RARB: variants seen among roughly 807,000 people sequenced by gnomAD.
The protein encoded by RARB is retinoic acid receptor beta.
A neutral mutation model predicts 51.9 loss-of-function variants in RARB; 17 were observed. That is an observed-to-expected ratio of 0.33 (90% CI 0.22 to 0.49). The LOEUF is 0.49. Ranked by LOEUF, RARB falls within the 20% of genes least tolerant of loss-of-function variation. RARB has a pLI of 0.99. For missense variants in RARB, 369 were observed against 550.8 expected, an observed-to-expected ratio of 0.67 and a Z score of 3.30; for synonymous variants, 215 against 195.4, an observed-to-expected ratio of 1.10 and a Z score of -0.84.
intron 2 of RARB, among the ~76,000 whole-genome samples, chr3:25,009,755 A>G (rs1331035584): frequency 6.6e-6 from 1 of 152,040 alleles, no homozygotes; most frequent in Admixed American, 6.6e-5. Flanking sequence ...TAAGCCTTCC[A>G]GAAGACTTAG....
intron 2 of RARB, among the ~76,000 whole-genome samples, chr3:25,490,144 C>T (rs1696658616): frequency 6.6e-6 from 1 of 152,190 alleles, no homozygotes; most frequent in Non-Finnish European, 1.5e-5. Flanking sequence ...CTCCCATTCT[C>T]ATAGACTCTA....
intron 2 of RARB, among the ~76,000 whole-genome samples, chr3:25,004,156 T>C (rs1005807839): frequency 5.9e-5 from 9 of 152,124 alleles, no homozygotes; most frequent in African/African-American, 1.9e-4. Flanking sequence ...AGGATGTTTT[T>C]AAGGGCTAAG....
chr3:25,289,027 G>T (rs980874206), intron 5 of RARB, among the ~76,000 whole-genome samples: 2 of 152,166 alleles, frequency 1.3e-5, no homozygotes, highest in African/African-American at 4.8e-5. Context: ...ATACTGTTCC[G>T]CCACTGAGGC....
chr3:25,533,876 A>T (rs537662632), intron 3 of RARB, among the ~76,000 whole-genome samples: 2 of 152,228 alleles, frequency 1.3e-5, no homozygotes, highest in African/African-American at 4.8e-5. Flanking sequence ...TAACACTTCA[A>T]TGCTTTGAAT....
At position 25,217,896 on chromosome 3, in the gene RARB, G is replaced by GGAAGC. The variant is rs548273240; in HGVS notation, c.178+43323_178+43327dup. Among the ~76,000 whole-genome samples the GGAAGC allele has an allele frequency of 1.6e-3, 242 of 152,134 alleles. 2 individuals are homozygous for GGAAGC. Among genetic ancestry groups the GGAAGC allele is most frequent in the Non-Finnish European group, 2.5e-3 (167 of 67,998 alleles). ...AGCCATAGGCAAACTTATGAGAAAT[G>GGAAGC]GAAGCGCTTTAAGAATGGGGTCATC... On this transcript the variant is annotated intron_variant, in intron 5 of 11. Transcript: ENST00000383772.
intron 5 of RARB, among the ~76,000 whole-genome samples, chr3:25,209,359 G>A (rs997358600): frequency 6.6e-6 from 1 of 152,190 alleles, no homozygotes; most frequent in Non-Finnish European, 1.5e-5. Flanking sequence ...CCATAGGTGG[G>A]TGTTGAAGAC....
intron 2 of RARB, among the ~76,000 whole-genome samples, chr3:24,969,675 T>C (rs1192963741): frequency 2.6e-5 from 4 of 152,112 alleles, no homozygotes; most frequent in African/African-American, 9.7e-5. Flanking sequence ...AGCTAGACAG[T>C]GTGTTGAATT....
chr3:25,364,756 C>T (rs1294649038), intron 5 of RARB, among the ~76,000 whole-genome samples: 1 of 152,160 alleles, frequency 6.6e-6, no homozygotes, highest in Non-Finnish European at 1.5e-5. Flanking sequence ...CTTTTATTTA[C>T]CAGCAATTCA....
At chr3:24,931,431 C>T (rs1695437990) in intron 2 of RARB, among the ~76,000 whole-genome samples, 1 of 151,940 alleles carries the variant, frequency 6.6e-6, no homozygotes, top group Non-Finnish European at 1.5e-5. Flanking sequence ...GCATAAAATA[C>T]ATCAGTGGTC....
intron 5 of RARB, among the ~76,000 whole-genome samples, chr3:25,415,324 T>C (rs186843586): frequency 3.3e-4 from 51 of 152,344 alleles, no homozygotes; most frequent in Non-Finnish European, 6.3e-4. Flanking sequence ...TTTATGATTT[T>C]ATGCTTTACA....
In RARB at chr3:25,388,696, G is replaced by T. The variant is rs147168819; in HGVS notation, c.179-72497G>T. ...ATTGTGACAATTCACAGAGAGCTTA[G>T]CATAAGAAAGTAGTTTAACTGTACA... On this transcript the variant is annotated intron_variant, in intron 5 of 11. Transcript: ENST00000383772. Among the ~76,000 whole-genome samples the T allele has an allele frequency of 1.4e-4, 22 of 152,274 alleles. No homozygotes were observed. In the East Asian group the frequency reaches 4.2e-3, roughly 29 times the overall value.
At chr3:25,088,159 G>A (rs1161461294) in intron 3 of RARB, among the ~76,000 whole-genome samples, 17 of 151,924 alleles carry the variant, frequency 1.1e-4, no homozygotes, top group Admixed American at 1.1e-3. Flanking sequence ...AACATTATTT[G>A]GTGAAACCTT....
At position 24,840,557 on chromosome 3, in the gene RARB, C is replaced by T. The variant is rs1702407907; in HGVS notation, c.-459+11154C>T. Among the ~76,000 whole-genome samples the T allele has an allele frequency of 2.0e-5, 3 of 152,030 alleles. No homozygotes were observed. In the South Asian group the frequency reaches 6.2e-4, roughly 32 times the overall value. On this transcript the variant is annotated intron_variant, in intron 1 of 11. Transcript: ENST00000383772. ...CTAAACCATGTATATGGAAAAGATA[C>T]ATAAGTTCTCTGAGCTTTAGATTTC...
chr3:25,013,150 A>C (rs137956632), intron 2 of RARB, among the ~76,000 whole-genome samples: 1 of 152,088 alleles, frequency 6.6e-6, no homozygotes, highest in Non-Finnish European at 1.5e-5. Context: ...GTGGTTGCAG[A>C]CAGCATTGCC....
intron 5 of RARB, among the ~76,000 whole-genome samples, chr3:25,383,102 G>A (rs901463562): frequency 6.6e-6 from 1 of 152,188 alleles, no homozygotes; most frequent in Non-Finnish European, 1.5e-5. Flanking sequence ...ACAAATTCCT[G>A]TGTTTGATCA....
intron 4 of RARB, among the ~76,000 whole-genome samples, chr3:25,139,009 C>G (rs761211860): frequency 6.6e-6 from 1 of 152,022 alleles, no homozygotes; most frequent in East Asian, 1.9e-4. Context: ...TTTGATGTTA[C>G]TGTTGTAATT....
At chr3:25,362,088 C>T (rs1324560557) in intron 5 of RARB, among the ~76,000 whole-genome samples, 1 of 152,156 alleles carries the variant, frequency 6.6e-6, no homozygotes, top group African/African-American at 2.4e-5. Flanking sequence ...ACAGCCGCCC[C>T]TTCCTCTAGG....
intron 3 of RARB, among the ~76,000 whole-genome samples, chr3:25,066,755 CAG>C (rs1396405749): frequency 4.6e-5 from 7 of 151,134 alleles, no homozygotes; most frequent in African/African-American, 9.7e-5. Flanking sequence ...CAAAAAAAAA[CAG>C]AAAAATAAAA....
rs1695324218 is a variant in RARB, at chr3:24,926,469, T to C, written c.-380+67717T>C. On this transcript the variant is annotated intron_variant, in intron 2 of 11. Coordinates refer to the RARB transcript ENST00000383772. ...TTGTTGACCCGCAAATACATCTGAG[T>C]TGAGAAGTGGAACCATTATCTATAG... is the stretch of plus-strand genomic sequence containing the variant. 2.0e-5 allele frequency among the ~76,000 whole-genome samples: 3 copies of C among 151,944 alleles called. 1 individual carries two copies. The highest frequency in any genetic ancestry group is 7.3e-5 in the African/African-American group (3 of 41,372).
Sources: gnomAD v4.1 joint callset for allele counts (sites outside exome capture counted in the v4.1 genomes callset) on GRCh38, gnomAD v4.1.1 for gene constraint, MANE v1.5 for transcripts, NCBI Gene and HGNC (gene_info 2026-07-23, HGNC 2026-07-21) for gene names.